SCML2: variants seen among roughly 807,000 people sequenced by gnomAD.
SCML2 encodes Scm polycomb group protein like 2.
A neutral mutation model predicts 48.4 loss-of-function variants in SCML2; 6 were observed. The observed-to-expected ratio is 0.12, with a 90% CI of 0.07 to 0.24. The LOEUF (loss-of-function observed/expected upper bound fraction) is 0.24. Ranked by LOEUF, SCML2 falls within the 10% of genes least tolerant of loss-of-function variation. The pLI, the probability that SCML2 is intolerant of heterozygous loss-of-function variation, is 1.00. For missense variants in SCML2, 377 were observed against 528.2 expected, an observed-to-expected ratio of 0.71 and a Z score of 2.81; for synonymous variants, 181 against 189.5, an observed-to-expected ratio of 0.95 and a Z score of 0.37.
intron 8 of SCML2, among the ~76,000 whole-genome samples, chrX:18,262,689 G>A (rs572729794): frequency 1.9e-5 from 2 of 106,122 alleles, no homozygotes; most frequent in African/African-American, 7.3e-5. Context: ...TCTGTGTTTG[G>A]TTCTGTTCCT....
chrX:18,270,028 AT>A (rs375870057), intron 7 of SCML2, among the ~76,000 whole-genome samples: 7 of 90,151 alleles, frequency 7.8e-5, no homozygotes, highest in Admixed American at 1.3e-4. Flanking sequence ...AGTACTATAA[AT>A]TTTTTTTTTT....
At chrX:18,320,632 T>C (rs776891628) in intron 5 of SCML2, among the ~76,000 whole-genome samples, 7 of 111,467 alleles carry the variant, frequency 6.3e-5, no homozygotes, top group African/African-American at 2.3e-4. Context: ...ACAGTGGGGA[T>C]AGAAACTCTC....
intron 11 of SCML2, among the ~76,000 whole-genome samples, chrX:18,252,279 A>T (rs1236209140): frequency 8.9e-6 from 1 of 112,900 alleles, no homozygotes; most frequent in Non-Finnish European, 1.9e-5. Flanking sequence ...GTCTCAAAAA[A>T]ACAAAACAAA....
intron 1 of SCML2, among the ~76,000 whole-genome samples, chrX:18,338,723 G>A (rs1039142689): frequency 9.3e-6 from 1 of 108,002 alleles, no homozygotes; most frequent in African/African-American, 3.4e-5. Context: ...GACCAGCCTG[G>A]GCAACATGGC....
intron 1 of SCML2, among the ~76,000 whole-genome samples, chrX:18,348,313 T>C (rs2084365132): frequency 8.9e-6 from 1 of 111,779 alleles, no homozygotes; most frequent in Admixed American, 9.6e-5. Context: ...ATCACTGCAG[T>C]CTAGATTTAT....
At chrX:18,316,858 C>T (rs994345079) in intron 6 of SCML2, among the ~76,000 whole-genome samples, 28 of 112,206 alleles carry the variant, frequency 2.5e-4, no homozygotes, top group African/African-American at 8.8e-4. Flanking sequence ...ACTGCACATG[C>T]GAGGAATCTA....
chrX:18,337,799 G>A (rs1021499080), intron 1 of SCML2, among the ~76,000 whole-genome samples: 2 of 111,582 alleles, frequency 1.8e-5, no homozygotes, highest in Admixed American at 9.6e-5. Context: ...TCCAACAAGA[G>A]CAGAATACAC....
intron 13 of SCML2, 138 bp from the exon 14 acceptor site, chrX:18,242,728 G>T: frequency 1.6e-6 from 1 of 611,636 alleles, no homozygotes; most frequent in Non-Finnish European, 2.4e-6. Context: ...GACTCCAACT[G>T]TGAAAGCTTA....
At chrX:18,254,024 AG>A (rs1926754534) in intron 11 of SCML2, among the ~76,000 whole-genome samples, 1 of 111,936 alleles carries the variant, frequency 8.9e-6, no homozygotes. Context: ...AGTGGATTAA[AG>A]GGGGTTTGAC....
At chrX:18,325,018 T>C in intron 3 of SCML2, 41 bp from the exon 4 acceptor site, 1 of 994,672 alleles carries the variant, frequency 1.0e-6, no homozygotes. Flanking sequence ...TTAAAGCATA[T>C]ACAATGTAAC....
chrX:18,259,895 T>C (rs750191542), intron 9 of SCML2, among the ~76,000 whole-genome samples: 134 of 111,589 alleles, frequency 1.2e-3, no homozygotes, highest in African/African-American at 3.6e-3. Context: ...CAAGAATAGA[T>C]TGGACAATGT....
At chrX:18,347,650 G>T (rs1435275301) in intron 1 of SCML2, among the ~76,000 whole-genome samples, 1 of 99,370 alleles carries the variant, frequency 1.0e-5, no homozygotes, top group Non-Finnish European at 2.0e-5. Flanking sequence ...CTTGAACCTG[G>T]GAGGCAGAGG....
intron 7 of SCML2, among the ~76,000 whole-genome samples, chrX:18,267,169 C>T (rs1455822278): frequency 1.8e-5 from 2 of 111,910 alleles, no homozygotes; most frequent in African/African-American, 6.5e-5. Flanking sequence ...ACTCTTGTAT[C>T]TCCAAGACAA....
chrX:18,279,257 A>G (rs1344048854), intron 7 of SCML2, among the ~76,000 whole-genome samples: 1 of 112,803 alleles, frequency 8.9e-6, no homozygotes, highest in Non-Finnish European at 1.9e-5. Flanking sequence ...ACAAACTACA[A>G]AACGAAAAAT....
chrX:18,347,539 G>A (rs1349058083), intron 1 of SCML2, among the ~76,000 whole-genome samples: 1 of 107,103 alleles, frequency 9.3e-6, no homozygotes, highest in Non-Finnish European at 1.9e-5. Flanking sequence ...ATCACTTGAG[G>A]TCTGAAGTTC....
chrX:18,276,914 T>C (rs1927661441), intron 7 of SCML2, among the ~76,000 whole-genome samples: 1 of 110,998 alleles, frequency 9.0e-6, no homozygotes, highest in Non-Finnish European at 1.9e-5. Flanking sequence ...ATGGAGGTGA[T>C]GGTTGCACAA....
At chrX:18,346,460 C>T (rs921869344) in intron 1 of SCML2, among the ~76,000 whole-genome samples, 1 of 112,049 alleles carries the variant, frequency 8.9e-6, no homozygotes, top group African/African-American at 3.2e-5. Flanking sequence ...TTCATCATAG[C>T]CCCTTGAGTT....
In SCML2 at chrX:18,258,163, G is replaced by C; in HGVS notation, c.1154C>G (p.Pro385Arg). Reference sequence around the variant, plus strand: ...GCGAAGCACCACATTCACCGGGCCCGGGCCGAAGTGGTCAGGCAGCTGCTG... The same window carrying C: ...GCGAAGCACCACATTCACCGGGCCCCGGCCGAAGTGGTCAGGCAGCTGCTG... ...RIQQLPDHFG[P>R]GPVNVVLRRI... is the part of the protein sequence containing the mutation. The change falls in exon 10 of 15, where the codon CCG becomes CGG. Residue 385 changes from proline (P) to arginine (R), a missense_variant. By Grantham distance (103) the Pro-to-Arg change is moderately radical (BLOSUM62 -2). This residue lies in a region of SCML2 where 299 missense variants were observed against 425.5 expected (regional missense o/e 0.70). Transcript: ENST00000251900. 8.3e-7 allele frequency: 1 copy of C among 1,211,283 alleles called. No homozygotes were observed. Among genetic ancestry groups the C allele is most frequent in the Non-Finnish European group, 1.1e-6 (1 of 894,968 alleles).
chrX:18,313,923 T>C (rs953854370), intron 6 of SCML2, among the ~76,000 whole-genome samples: 1 of 111,568 alleles, frequency 9.0e-6, no homozygotes, highest in Non-Finnish European at 1.9e-5. Context: ...AAGGTTAGCA[T>C]GCAGTAGCGA....
Sources: gnomAD v4.1 joint callset for allele counts (sites outside exome capture counted in the v4.1 genomes callset) on GRCh38, gnomAD v4.1.1 for gene constraint, gnomAD v4.1.1 regional missense constraint, MANE v1.5 for transcripts, NCBI Gene and HGNC (gene_info 2026-07-23, HGNC 2026-07-21) for gene names.